The following DSCAM variants were observed in gnomAD, a reference collection of about 807,000 sequenced individuals.
DSCAM encodes the protein cell adhesion molecule DSCAM.
A neutral mutation model predicts 217.7 loss-of-function variants in DSCAM; 47 were observed. That is an observed-to-expected ratio of 0.22 (90% CI 0.17 to 0.28). The LOEUF is 0.28. Ranked by LOEUF, DSCAM falls within the 10% of genes least tolerant of loss-of-function variation. DSCAM has a pLI of 1.00. For synonymous variants in DSCAM, 1,056 were observed against 1,015.3 expected (o/e 1.04, Z -0.76); for missense variants, 2,080 against 2,618.3 (o/e 0.79, Z 4.49).
At chr21:40,383,677 T>C (rs1309883904) in intron 3 of DSCAM, 1 of 152,248 alleles carries the variant, frequency 6.6e-6, no homozygotes, top group Non-Finnish European at 1.5e-5. Context: ...ACCGCTGGTT[T>C]AGAGTCTTTG....
chr21:40,740,453 C>T (rs933789929), intron 1 of DSCAM, among the ~76,000 whole-genome samples: 1 of 152,214 alleles, frequency 6.6e-6, no homozygotes, highest in Non-Finnish European at 1.5e-5. Context: ...GTTTCCCACA[C>T]ATTAGAGCCA....
chr21:40,577,092 T>C (rs970494597), intron 3 of DSCAM, among the ~76,000 whole-genome samples: 1 of 151,836 alleles, frequency 6.6e-6, no homozygotes, highest in African/African-American at 2.4e-5. Context: ...ATTTATAAAT[T>C]AATTCATCCA....
chr21:40,809,513 A>G (rs2123535560), intron 1 of DSCAM, among the ~76,000 whole-genome samples: 1 of 152,334 alleles, frequency 6.6e-6, no homozygotes, highest in Non-Finnish European at 1.5e-5. Flanking sequence ...TATGTAAATT[A>G]TCGCTCAATA....
At position 40,369,103 on chromosome 21, in the gene DSCAM, T is replaced by C. The variant is rs140456390; in HGVS notation, c.651A>G (p.Val217=). The change falls in exon 4 of 33, where the codon GTA becomes GTG. Residue 217 remains valine (V), a synonymous_variant. Transcript: ENST00000400454. The part of the protein sequence containing the change: ...TRQSNSARLF[V]SDPANSAPSI... ...AGAGTCTTGATAAGTTTTTACCTGATACAAAAAGTCTGGCGCTGTTGCTCT... is the reference window on the plus strand; with the variant it reads ...AGAGTCTTGATAAGTTTTTACCTGACACAAAAAGTCTGGCGCTGTTGCTCT... 696 of 1,607,586 alleles carry C rather than the reference T, an allele frequency of 4.3e-4. 3 individuals are homozygous for C. The African/African-American group carries it at 8.0e-3, about 18-fold the overall frequency.
At chr21:40,389,158 T>G (rs971242942) in intron 3 of DSCAM, among the ~76,000 whole-genome samples, 4 of 152,236 alleles carry the variant, frequency 2.6e-5, no homozygotes, top group African/African-American at 7.2e-5. Flanking sequence ...ATTTTGCTCA[T>G]TTTTATATCT....
intron 29 of DSCAM, among the ~76,000 whole-genome samples, chr21:40,053,074 G>A (rs1323518853): frequency 6.6e-6 from 1 of 152,218 alleles, no homozygotes; most frequent in Non-Finnish European, 1.5e-5. Flanking sequence ...GCCCTGCCCT[G>A]ACACTGCAAC....
intron 10 of DSCAM, among the ~76,000 whole-genome samples, chr21:40,291,093 C>G (rs921897196): frequency 6.6e-6 from 1 of 152,150 alleles, no homozygotes; most frequent in Non-Finnish European, 1.5e-5. Flanking sequence ...TGTCTGTCAC[C>G]GGCACTTCCA....
intron 3 of DSCAM, among the ~76,000 whole-genome samples, chr21:40,683,626 C>A (rs998893533): frequency 1.3e-5 from 2 of 151,980 alleles, no homozygotes; most frequent in East Asian, 1.9e-4. Flanking sequence ...CCTAGAACGC[C>A]GGAGCAGGTA....
In DSCAM at chr21:40,014,175, G is replaced by A. The variant is rs550704727; in HGVS notation, c.5687-789C>T. Among the ~76,000 whole-genome samples, 398 of 152,336 alleles carry A rather than the reference G, an allele frequency of 2.6e-3. 2 individuals carry two copies. The highest frequency in any genetic ancestry group is 4.7e-3 in the Non-Finnish European group (323 of 68,034). ...GGAGGCCGAGGCGGAAGGATCACCT[G>A]AGGTCAGGAGTTCAAGACCAGCCAG... is the stretch of plus-strand genomic sequence containing the variant. On this transcript the variant is annotated intron_variant, in intron 32 of 32. Coordinates refer to ENST00000400454, the MANE Select transcript of DSCAM (RefSeq NM_001389.5).
chr21:40,579,786 A>C (rs2076888640), intron 3 of DSCAM, among the ~76,000 whole-genome samples: 1 of 152,150 alleles, frequency 6.6e-6, no homozygotes, highest in South Asian at 2.1e-4. Flanking sequence ...AGATGTTTTC[A>C]GATATAAGAA....
chr21:40,650,758 C>T (rs2090003576), intron 3 of DSCAM, among the ~76,000 whole-genome samples: 1 of 152,154 alleles, frequency 6.6e-6, no homozygotes, highest in South Asian at 2.1e-4. Context: ...TACTAAAATA[C>T]AAAAAATTAG....
At chr21:40,168,382 A>T (rs949355856) in intron 15 of DSCAM, among the ~76,000 whole-genome samples, 1 of 152,216 alleles carries the variant, frequency 6.6e-6, no homozygotes, top group Non-Finnish European at 1.5e-5. Context: ...TTTGCCAACC[A>T]AGAGTTCAGA....
intron 16 of DSCAM, among the ~76,000 whole-genome samples, chr21:40,145,767 C>G (rs2046636521): frequency 6.6e-6 from 1 of 152,008 alleles, no homozygotes. Flanking sequence ...ATCACTTGAA[C>G]CCGGGAGGCG....
At chr21:40,821,108 TCA>T (rs1310837424) in intron 1 of DSCAM, among the ~76,000 whole-genome samples, 1 of 136,866 alleles carries the variant, frequency 7.3e-6, no homozygotes, top group Non-Finnish European at 1.5e-5. Context: ...ATATATATCT[TCA>T]CATATATATA....
intron 4 of DSCAM, among the ~76,000 whole-genome samples, chr21:40,365,739 C>A (rs2074825119): frequency 6.6e-6 from 1 of 152,136 alleles, no homozygotes; most frequent in South Asian, 2.1e-4. Flanking sequence ...ACCAAACTCA[C>A]TTCTTGTGGC....
intron 15 of DSCAM, among the ~76,000 whole-genome samples, chr21:40,177,546 A>G (rs1350445309): frequency 6.6e-6 from 1 of 152,232 alleles, no homozygotes; most frequent in Non-Finnish European, 1.5e-5. Context: ...CTGATTACAG[A>G]TATCAGAAGG....
intron 1 of DSCAM, among the ~76,000 whole-genome samples, chr21:40,722,726 G>C (rs540397463): frequency 6.6e-5 from 10 of 152,032 alleles, no homozygotes; most frequent in African/African-American, 2.4e-4. Flanking sequence ...ACTCTTAAAA[G>C]TAAAACATTG....
intron 1 of DSCAM, among the ~76,000 whole-genome samples, chr21:40,716,082 C>T (rs1321154354): frequency 1.3e-5 from 2 of 152,028 alleles, no homozygotes; most frequent in South Asian, 4.2e-4. Flanking sequence ...AAGAGATAAG[C>T]GACCTATGGG....
chr21:40,447,315 T>C (rs1248095228), intron 3 of DSCAM, among the ~76,000 whole-genome samples: 1 of 152,202 alleles, frequency 6.6e-6, no homozygotes, highest in Non-Finnish European at 1.5e-5. Context: ...GTCCCATGAC[T>C]CATTTTGGTT....
Sources: allele counts gnomAD v4.1 joint callset (sites outside exome capture counted in the v4.1 genomes callset), GRCh38; gene constraint gnomAD v4.1.1; transcripts MANE v1.5; gene names NCBI Gene and HGNC (gene_info 2026-07-23, HGNC 2026-07-21).